The following EYS variants were observed in gnomAD, a reference collection of about 807,000 sequenced individuals.
EYS encodes the protein protein eyes shut homolog.
A neutral mutation model predicts 282.1 loss-of-function variants in EYS; 250 were observed. The ratio of observed to expected loss-of-function variants is 0.89; its 90% confidence interval spans 0.80 to 0.98. The LOEUF is 0.98. Ranked by LOEUF, EYS falls within the 50% of genes least tolerant of loss-of-function variation. EYS has a pLI of 0.00. For missense variants in EYS, 4,016 were observed against 3,709.0 expected, an observed-to-expected ratio of 1.08 and a Z score of -2.15; for synonymous variants, 1,355 against 1,282.9, an observed-to-expected ratio of 1.06 and a Z score of -1.20.
intron 32 of EYS, among the ~76,000 whole-genome samples, chr6:64,070,540 A>G (rs1247132959): frequency 6.6e-6 from 1 of 152,030 alleles, no homozygotes; most frequent in Non-Finnish European, 1.5e-5. Context: ...TTTTTCAGAA[A>G]ATAGCTGCCA....
intron 2 of EYS, among the ~76,000 whole-genome samples, chr6:65,610,837 C>T (rs1441189738): frequency 6.6e-6 from 1 of 152,042 alleles, no homozygotes; most frequent in African/African-American, 2.4e-5. Flanking sequence ...AAATATCTCT[C>T]TGTGTAACTG....
intron 2 of EYS, among the ~76,000 whole-genome samples, chr6:65,510,525 A>G (rs1582395365): frequency 6.6e-6 from 1 of 152,120 alleles, no homozygotes; most frequent in Admixed American, 6.5e-5. Flanking sequence ...CACACTTTTG[A>G]TTAATATTTT....
chr6:65,527,593 G>T (rs1467011970), intron 2 of EYS, among the ~76,000 whole-genome samples: 1 of 152,148 alleles, frequency 6.6e-6, no homozygotes, highest in African/African-American at 2.4e-5. Context: ...TTATGCACAG[G>T]CCCAATAATA....
chr6:64,437,328 G>A (rs1346635613), intron 27 of EYS, among the ~76,000 whole-genome samples: 1 of 151,534 alleles, frequency 6.6e-6, no homozygotes, highest in Non-Finnish European at 1.5e-5. Flanking sequence ...AAGATATTTA[G>A]GAACCATAAA....
At chr6:64,974,834 A>G (rs1770422918) in intron 14 of EYS, among the ~76,000 whole-genome samples, 1 of 151,900 alleles carries the variant, frequency 6.6e-6, no homozygotes, top group South Asian at 2.1e-4. Flanking sequence ...AATGACATTG[A>G]TAACATACAA....
intron 22 of EYS, among the ~76,000 whole-genome samples, chr6:64,721,683 T>C (rs1427767119): frequency 1.3e-5 from 2 of 152,154 alleles, no homozygotes; most frequent in Admixed American, 1.3e-4. Context: ...GAAACAAGAA[T>C]AGCACGATAA....
intron 7 of EYS, among the ~76,000 whole-genome samples, chr6:65,393,650 C>T (rs1303504313): frequency 6.6e-6 from 1 of 151,952 alleles, no homozygotes; most frequent in Admixed American, 6.6e-5. Context: ...AACTGAAAAC[C>T]TTAGTTATAT....
At chr6:65,056,019 A>C (rs1259998706) in intron 13 of EYS, among the ~76,000 whole-genome samples, 1 of 151,938 alleles carries the variant, frequency 6.6e-6, no homozygotes, top group Non-Finnish European at 1.5e-5. Context: ...TACCTACATA[A>C]ATTATTTGGG....
At chr6:63,962,223 C>G (rs1354039857) in intron 35 of EYS, among the ~76,000 whole-genome samples, 1 of 152,078 alleles carries the variant, frequency 6.6e-6, no homozygotes, top group East Asian at 1.9e-4. Context: ...TCTAAAACAC[C>G]AAAAGCAATG....
chr6:64,008,091 C>T (rs1768435722), intron 33 of EYS, among the ~76,000 whole-genome samples: 1 of 152,114 alleles, frequency 6.6e-6, no homozygotes, highest in Admixed American at 6.5e-5. Context: ...AAATCTCCCA[C>T]TATTGTTGTA....
At chr6:65,432,717 A>G (rs963197175) in intron 5 of EYS, among the ~76,000 whole-genome samples, 1 of 152,122 alleles carries the variant, frequency 6.6e-6, no homozygotes, top group Non-Finnish European at 1.5e-5. Context: ...GGATTTAGCA[A>G]ACTGACATGC....
At chr6:64,213,901 T>C (rs1765856028) in intron 31 of EYS, among the ~76,000 whole-genome samples, 1 of 152,144 alleles carries the variant, frequency 6.6e-6, no homozygotes, top group African/African-American at 2.4e-5. Flanking sequence ...ATCTGAACAA[T>C]GGTATGGTTG....
chr6:65,204,418 A>G (rs1765976841), intron 12 of EYS, among the ~76,000 whole-genome samples: 1 of 151,508 alleles, frequency 6.6e-6, no homozygotes, highest in Non-Finnish European at 1.5e-5. Context: ...AAAAAAAAAA[A>G]GCCAAGAATT....
chr6:64,658,622 C>T (rs1256558032), intron 22 of EYS, among the ~76,000 whole-genome samples: 5 of 152,202 alleles, frequency 3.3e-5, no homozygotes, highest in Non-Finnish European at 7.3e-5. Context: ...AGATCCACTC[C>T]AGACCCTGTT....
At chr6:65,431,135 T>C (rs1470155146) in intron 5 of EYS, among the ~76,000 whole-genome samples, 1 of 152,214 alleles carries the variant, frequency 6.6e-6, no homozygotes. Flanking sequence ...CCACTCCAGA[T>C]TGTGGACAAG....
intron 2 of EYS, among the ~76,000 whole-genome samples, chr6:65,506,479 T>TTTTTTTTTTTTTTG (rs1766663035): frequency 1.7e-5 from 1 of 58,650 alleles, no homozygotes; most frequent in African/African-American, 5.9e-5. Context: ...TTTTTTTTTT[T>TTTTTTTTTTTTTTG]TTTTTTTTTT....
intron 1 of EYS, among the ~76,000 whole-genome samples, chr6:65,642,487 G>C (rs6907955): frequency 0.4 from 60,667 of 151,772 alleles, 14,600 homozygotes; most frequent in East Asian, 0.53. Context: ...GAAGCCTCCA[G>C]ACTTTTAAAA....
intron 30 of EYS, among the ~76,000 whole-genome samples, chr6:64,300,599 A>G (rs191585491): frequency 2.0e-5 from 3 of 152,320 alleles, no homozygotes; most frequent in Admixed American, 1.3e-4. Flanking sequence ...AGCCAGCCAT[A>G]TGGAACAATC....
At chr6:63,892,830 A>T (rs924072522) in intron 35 of EYS, among the ~76,000 whole-genome samples, 1 of 152,256 alleles carries the variant, frequency 6.6e-6, no homozygotes, top group Non-Finnish European at 1.5e-5. Flanking sequence ...CAATCTGTCC[A>T]TCTGACAAAG....
Sources: gnomAD v4.1 joint callset for allele counts (sites outside exome capture counted in the v4.1 genomes callset) on GRCh38, gnomAD v4.1.1 for gene constraint, MANE v1.5 for transcripts, NCBI Gene and HGNC (gene_info 2026-07-23, HGNC 2026-07-21) for gene names.